Variants in SEZ6 observed in about 807,000 individuals in gnomAD.
SEZ6 encodes the protein seizure protein 6 homolog.
A neutral mutation model predicts 101.0 loss-of-function variants in SEZ6; 53 were observed. The ratio of observed to expected loss-of-function variants is 0.52; its 90% CI spans 0.42 to 0.66. The LOEUF (loss-of-function observed/expected upper bound fraction) is 0.66, where lower values mean the gene tolerates loss of function less well. Among genes scored for constraint, SEZ6 ranks in the 30% least tolerant of loss-of-function variants. The pLI is 0.00. For missense variants in SEZ6, 1,102 were observed against 1,289.4 expected (o/e 0.85, Z 2.23); for synonymous variants, 488 against 512.2 (o/e 0.95, Z 0.64).
intron 3 of SEZ6, among the ~76,000 whole-genome samples, chr17:28,976,514 G>A (rs954055555): frequency 1.3e-5 from 2 of 152,168 alleles, no homozygotes; most frequent in African/African-American, 2.4e-5. Context: ...TCATAGAGGG[G>A]CAGGTGGGGA....
At position 28,964,272 on chromosome 17, in the gene SEZ6, G is replaced by C; in HGVS notation, c.1055-125C>G. ...TCATTTGGGGCCAGAGGAAGCACTA[G>C]GAGTTCCAAAACAACTCCAATCTCC... is the stretch of plus-strand genomic sequence containing the variant. On this transcript the variant is annotated intron_variant, in intron 4 of 16. Coordinates refer to ENST00000317338, the MANE Select transcript of SEZ6 (RefSeq NM_178860.5). 9 of 1,015,512 alleles carry C rather than the reference G, an allele frequency of 8.9e-6. No homozygotes were observed. In the South Asian group the frequency reaches 1.3e-4, roughly 14 times the overall value. The allele number at this position is 1,015,512 out of a possible 1,614,324, so 62.9% of individuals were successfully genotyped here.
chr17:28,979,536 G>T, intron 3 of SEZ6, 144 bp downstream of exon 3: 1 of 1,218,742 alleles, frequency 8.2e-7, no homozygotes, highest in Non-Finnish European at 1.2e-6. Flanking sequence ...TAACCATTTA[G>T]GCCCATCTCC....
intron 5 of SEZ6, among the ~76,000 whole-genome samples, chr17:28,962,704 C>G (rs753396005): frequency 6.6e-6 from 1 of 151,368 alleles, no homozygotes; most frequent in Non-Finnish European, 1.5e-5. Flanking sequence ...TCGCTTGAAC[C>G]CGGGAGGTGG....
chr17:28,994,571 G>A (rs1001908934), intron 1 of SEZ6, among the ~76,000 whole-genome samples: 1 of 152,118 alleles, frequency 6.6e-6, no homozygotes, highest in Non-Finnish European at 1.5e-5. Flanking sequence ...ACTGAGCCTG[G>A]CTAATTTTTT....
chr17:28,986,116 T>G (rs1454835498), intron 1 of SEZ6, among the ~76,000 whole-genome samples: 1 of 152,146 alleles, frequency 6.6e-6, no homozygotes, highest in African/African-American at 2.4e-5. Flanking sequence ...CCGCATTAGC[T>G]CTTAAGCTGT....
rs1398502042 is a variant in SEZ6 at position 29,005,160 on chromosome 17, G to A, written c.55+655C>T. Among the ~76,000 whole-genome samples, 3 of 151,498 alleles carry A rather than the reference G, an allele frequency of 2.0e-5. No homozygotes were observed. The highest frequency in any genetic ancestry group is 1.3e-4 in the Admixed American group (2 of 15,208). ...GGGGAGGACAGAGTCTCTATCCCAGGATCTCCGCTGCTGCAGCCGAGGGCA... is the reference window on the plus strand; with the variant it reads ...GGGGAGGACAGAGTCTCTATCCCAGAATCTCCGCTGCTGCAGCCGAGGGCA... On this transcript the variant is annotated intron_variant, in intron 1 of 16. Transcript: ENST00000317338. The surrounding 1 kb of genome is among the most constrained non-coding windows in gnomAD (Gnocchi z 4.8).
chr17:28,997,137 G>A (rs1395044150), intron 1 of SEZ6, among the ~76,000 whole-genome samples: 1 of 152,108 alleles, frequency 6.6e-6, no homozygotes, highest in Non-Finnish European at 1.5e-5. Context: ...GGCAGGACTG[G>A]GGCTCTGCCA....
At chr17:28,966,784 C>T (rs1219088050) in intron 4 of SEZ6, among the ~76,000 whole-genome samples, 4 of 152,164 alleles carry the variant, frequency 2.6e-5, no homozygotes, top group Admixed American at 6.5e-5. Flanking sequence ...GAAAAAGAGG[C>T]TGTCTCAGGG....
chr17:28,970,014 T>TGAGG, intron 3 of SEZ6, 62 bp from the exon 4 acceptor site: 4 of 1,442,854 alleles, frequency 2.8e-6, no homozygotes, highest in Non-Finnish European at 3.7e-6. Context: ...GCCTGGATCC[T>TGAGG]GCCGCCCTCA....
intron 1 of SEZ6, among the ~76,000 whole-genome samples, chr17:29,000,252 G>A (rs186424458): frequency 2.0e-5 from 3 of 152,348 alleles, no homozygotes; most frequent in Non-Finnish European, 4.4e-5. Flanking sequence ...AGTGGACATA[G>A]TGCTAGCTGA....
chr17:28,960,482 C>G, intron 7 of SEZ6, 23 bp downstream of exon 7: 1 of 1,578,752 alleles, frequency 6.3e-7, no homozygotes, highest in Middle Eastern at 1.7e-4. Context: ...CCGCCACCCC[C>G]AGTGAGGCCC....
intron 3 of SEZ6, among the ~76,000 whole-genome samples, chr17:28,970,949 G>A (rs889032003): frequency 6.6e-6 from 1 of 152,082 alleles, no homozygotes. Context: ...CTCTTTCTCC[G>A]ATCCTTTCCC....
At position 28,959,349 on chromosome 17, in the gene SEZ6, A is replaced by C; in HGVS notation, c.1895T>G (p.Met632Arg). ...AGGCACTCACACTCGGATGTCCAGC[A>C]TGATGCGCTTGTCCTCTTCCACATG... The part of the protein sequence containing the change: ...GVHVEEDKRI[M>R]LDIRVLRIGP... The change falls in exon 9 of 17, where the codon ATG (methionine) becomes AGG (arginine). Residue 632 changes from methionine (M) to arginine (R), a missense_variant. By Grantham distance (91) the Met-to-Arg change is moderately conservative. Around this residue, in one of 3 missense-constraint regions of SEZ6, gnomAD observed 556 missense variants for 735.1 expected, o/e 0.76. Transcript: ENST00000317338. The surrounding 1 kb of genome is among the most constrained non-coding windows in gnomAD (Gnocchi z 4.4). The C allele has an allele frequency of 6.2e-7, 1 of 1,613,856 alleles. No individual in the cohort carries two copies.
intron 1 of SEZ6, among the ~76,000 whole-genome samples, chr17:28,984,062 A>T (rs887472642): frequency 6.6e-6 from 1 of 152,220 alleles, no homozygotes; most frequent in African/African-American, 2.4e-5. Context: ...ACCAACTGCT[A>T]TCTCCTGAGA....
At chr17:28,992,272 T>C (rs1273724267) in intron 1 of SEZ6, among the ~76,000 whole-genome samples, 1 of 152,104 alleles carries the variant, frequency 6.6e-6, no homozygotes, top group Non-Finnish European at 1.5e-5. Flanking sequence ...AAGTGACAAA[T>C]AGAGTTTGAA....
rs745742655 is a variant in SEZ6 at position 28,979,691 on chromosome 17, C to T, written c.847G>A (p.Val283Met). The change falls in exon 3 of 17, where the codon GTG (valine) becomes ATG (methionine). Residue 283 changes from valine to methionine, a missense_variant. By Grantham distance (21) the Val-to-Met change is conservative. Coordinates refer to ENST00000317338, the MANE Select transcript of SEZ6 (RefSeq NM_178860.5). ...TCCAGATCACTCACCTTGATTTCCA[C>T]GCCATAGCCAGGGTAGACAGAGATG... ...FYISVYPGYG[V>M]EIKVQNISLR... is the part of the protein sequence containing the mutation. 9.3e-6 allele frequency: 15 copies of T among 1,613,848 alleles called. No individual in the cohort carries two copies. Among genetic ancestry groups the T allele is most frequent in the African/African-American group, 2.7e-5 (2 of 74,930 alleles).
intron 3 of SEZ6, among the ~76,000 whole-genome samples, chr17:28,974,073 C>T (rs1385811295): frequency 6.6e-6 from 1 of 152,322 alleles, no homozygotes; most frequent in South Asian, 2.1e-4. Flanking sequence ...CTCATCTGCC[C>T]TGTCTGTCCC....
At position 28,979,781 on chromosome 17, in the gene SEZ6, C is replaced by T. The variant is rs2041272306; in HGVS notation, c.757G>A (p.Gly253Ser). ...AGGTCTGTAGGGGAGTCCAGAGAGCCCTCTGGGCCTGAGAAATTCCAGCTA... is the reference window on the plus strand; with the variant it reads ...AGGTCTGTAGGGGAGTCCAGAGAGCTCTCTGGGCCTGAGAAATTCCAGCTA... The part of the protein sequence containing the change: ...PCSWNFSGPE[G>S]SLDSPTDLSS... Residue 253 changes from glycine (G) to serine (S), a missense_variant, in exon 3 of 17, where the codon GGC (glycine) becomes AGC (serine). This residue lies in a region of SEZ6 where 406 missense variants were observed against 418.6 expected (regional missense o/e 0.97). Transcript: ENST00000317338. 1.2e-6 allele frequency: 2 copies of T among 1,612,186 alleles called. No homozygotes were observed. The highest frequency in any genetic ancestry group is 1.7e-6 in the Non-Finnish European group (2 of 1,179,220).
intron 4 of SEZ6, 24 bp from the exon 5 acceptor site, chr17:28,964,171 C>T: frequency 7.5e-7 from 1 of 1,337,402 alleles, no homozygotes; most frequent in Non-Finnish European, 1.0e-6. Context: ...ACGGGTGACA[C>T]TGTGTATGTG....
Sources: allele counts gnomAD v4.1 joint callset (sites outside exome capture counted in the v4.1 genomes callset), GRCh38; gene constraint gnomAD v4.1.1; regional missense constraint gnomAD v4.1.1; non-coding constraint Gnocchi (gnomAD v3.1); transcripts MANE v1.5; gene names NCBI Gene and HGNC (gene_info 2026-07-23, HGNC 2026-07-21).